The following MSI2 variants were observed in gnomAD, a reference collection of about 807,000 sequenced individuals.
MSI2 encodes RNA-binding protein Musashi homolog 2.
MSI2 carries 17 observed loss-of-function variants against 45.6 expected under a neutral mutation model. The observed-to-expected ratio is 0.37, with a 90% confidence interval of 0.26 to 0.56. MSI2 has a LOEUF of 0.56. Ranked by LOEUF, MSI2 falls within the 20% of genes least tolerant of loss-of-function variation. The pLI is 0.77. For synonymous variants in MSI2, 156 were observed against 158.2 expected, an observed-to-expected ratio of 0.99 and a Z score of 0.11; for missense variants, 293 against 444.2, an observed-to-expected ratio of 0.66 and a Z score of 3.06.
chr17:57,457,592 T>A (rs1363073227), intron 6 of MSI2, among the ~76,000 whole-genome samples: 1 of 152,128 alleles, frequency 6.6e-6, no homozygotes, highest in Non-Finnish European at 1.5e-5. Flanking sequence ...TAGAAACCAA[T>A]TAATAAATAT....
intron 4 of MSI2, among the ~76,000 whole-genome samples, chr17:57,258,964 TTTC>T (rs1318179802): frequency 6.6e-6 from 1 of 152,138 alleles, no homozygotes; most frequent in Non-Finnish European, 1.5e-5. Context: ...TTTCCTTCCT[TTTC>T]TTTCTCAGAT....
chr17:57,443,268 C>T (rs1404524558), intron 6 of MSI2, among the ~76,000 whole-genome samples: 2 of 152,178 alleles, frequency 1.3e-5, no homozygotes, highest in African/African-American at 4.8e-5. Context: ...TTCCTTGGCT[C>T]TTCTCGTTCT....
At chr17:57,292,211 G>A (rs1008875855) in intron 5 of MSI2, among the ~76,000 whole-genome samples, 1 of 152,116 alleles carries the variant, frequency 6.6e-6, no homozygotes, top group Non-Finnish European at 1.5e-5. Context: ...TGATTTAGGG[G>A]CAAGAGCAGG....
chr17:57,490,059 C>T (rs536184705), intron 6 of MSI2, among the ~76,000 whole-genome samples: 14 of 152,114 alleles, frequency 9.2e-5, no homozygotes, highest in Non-Finnish European at 1.8e-4. Context: ...AGGCAGTAGA[C>T]CAAAGATCAT....
chr17:57,529,581 T>C lies in MSI2; in HGVS notation c.406-95T>C, dbSNP rs1231904642. On this transcript the variant is annotated intron_variant, in intron 6 of 13. Coordinates refer to ENST00000284073, the MANE Select transcript of MSI2 (RefSeq NM_138962.4). The surrounding 1 kb of genome is among the most constrained non-coding windows in gnomAD (Gnocchi z 5.3). ...TGATAAGCAACTATTACTTCTGTAA[T>C]GGAAACTACCCCCTCACCCCCCGAC... The C allele has an allele frequency of 2.7e-6, 3 of 1,103,554 alleles. No homozygotes were observed. Among genetic ancestry groups the C allele is most frequent in the African/African-American group, 3.2e-5 (2 of 63,000 alleles). The allele number at this position is 1,103,554 out of a possible 1,614,324, so 68.4% of individuals were successfully genotyped here.
At chr17:57,544,258 T>C (rs1210733038) in intron 7 of MSI2, among the ~76,000 whole-genome samples, 1 of 152,212 alleles carries the variant, frequency 6.6e-6, no homozygotes, top group African/African-American at 2.4e-5. Flanking sequence ...GCCCCTGTTT[T>C]ATTTTGCTTT....
At chr17:57,334,514 C>T (rs1325064722) in intron 5 of MSI2, among the ~76,000 whole-genome samples, 2 of 152,196 alleles carry the variant, frequency 1.3e-5, no homozygotes, top group African/African-American at 4.8e-5. Context: ...CTTCCTCTGG[C>T]CGGGTGCGAT....
At chr17:57,275,263 T>G (rs1341794477) in intron 5 of MSI2, among the ~76,000 whole-genome samples, 1 of 152,236 alleles carries the variant, frequency 6.6e-6, no homozygotes, top group Non-Finnish European at 1.5e-5. Context: ...GAAGATGCCT[T>G]TGTTCCTTTG....
intron 5 of MSI2, among the ~76,000 whole-genome samples, chr17:57,370,609 G>C (rs985030875): frequency 2.6e-5 from 4 of 152,304 alleles, no homozygotes; most frequent in Admixed American, 6.5e-5. Context: ...AGATGTTTCT[G>C]TTAGGTTTTA....
At chr17:57,370,566 C>CT (rs2083406147) in intron 5 of MSI2, among the ~76,000 whole-genome samples, 1 of 152,152 alleles carries the variant, frequency 6.6e-6, no homozygotes, top group Non-Finnish European at 1.5e-5. Flanking sequence ...TGGAATGAGA[C>CT]TCCTGGGATT....
At chr17:57,472,249 G>A (rs529098043) in intron 6 of MSI2, among the ~76,000 whole-genome samples, 2 of 152,210 alleles carry the variant, frequency 1.3e-5, no homozygotes, top group Non-Finnish European at 2.9e-5. Flanking sequence ...CTCAGAGTGA[G>A]AGCTGGTTCA....
At chr17:57,415,434 G>A (rs2084276839) in intron 6 of MSI2, among the ~76,000 whole-genome samples, 1 of 152,126 alleles carries the variant, frequency 6.6e-6, no homozygotes, top group Admixed American at 6.5e-5. Flanking sequence ...TTTGGAATTG[G>A]GCAGACCTGA....
chr17:57,316,421 G>A (rs773603017), intron 5 of MSI2, among the ~76,000 whole-genome samples: 10 of 151,308 alleles, frequency 6.6e-5, no homozygotes, highest in Admixed American at 2.0e-4. Flanking sequence ...TTGACCTCCC[G>A]GGTTCAAGCA....
chr17:57,474,875 C>A (rs2085509098), intron 6 of MSI2, among the ~76,000 whole-genome samples: 1 of 152,090 alleles, frequency 6.6e-6, no homozygotes, highest in Non-Finnish European at 1.5e-5. Context: ...TGCACCACCA[C>A]CCCTGGCTAA....
At chr17:57,278,958 A>G (rs1007486423) in intron 5 of MSI2, 2 of 152,032 alleles carry the variant, frequency 1.3e-5, no homozygotes, top group African/African-American at 4.8e-5. Context: ...GGAGCTGTGG[A>G]CGCCAGTACT....
At chr17:57,569,019 C>T (rs1209029158) in intron 7 of MSI2, among the ~76,000 whole-genome samples, 1 of 151,820 alleles carries the variant, frequency 6.6e-6, no homozygotes, top group East Asian at 1.9e-4. Flanking sequence ...ATTTTTTTGA[C>T]TGTGTCTGGG....
intron 6 of MSI2, among the ~76,000 whole-genome samples, chr17:57,474,296 C>T (rs947843918): frequency 6.6e-6 from 1 of 152,134 alleles, no homozygotes; most frequent in African/African-American, 2.4e-5. Context: ...TCATTGTACC[C>T]ATCTGGAAGC....
At chr17:57,675,155 G>A (rs1001880371) in intron 12 of MSI2, 29 bp downstream of exon 12, 57 of 1,596,736 alleles carry the variant, frequency 3.6e-5, no homozygotes, top group Non-Finnish European at 4.7e-5. Flanking sequence ...CTGCCCTCCT[G>A]CCTCCTCCTT....
In MSI2 at chr17:57,324,724, CCT is replaced by C. The variant is rs750098526; in HGVS notation, c.312+62534_312+62535del. 2.0e-4 allele frequency among the ~76,000 whole-genome samples: 31 copies of C among 152,330 alleles called. No individual in the cohort carries two copies. The Middle Eastern group carries it at 0.01, about 50-fold the overall frequency. On this transcript the variant is annotated intron_variant, in intron 5 of 13. Transcript: ENST00000284073. ...TCCATTCCATCCTGGACCTTTCCCT[CCT>C]CCTTCACTTTCTTCCAGCCTCTCCT...
Sources: allele counts gnomAD v4.1 joint callset (sites outside exome capture counted in the v4.1 genomes callset), GRCh38; gene constraint gnomAD v4.1.1; non-coding constraint Gnocchi (gnomAD v3.1); transcripts MANE v1.5; gene names NCBI Gene and HGNC (gene_info 2026-07-23, HGNC 2026-07-21).